SYNE2: variants seen among roughly 807,000 people sequenced by gnomAD.
SYNE2 encodes nesprin-2.
In SYNE2, 431 loss-of-function variants were observed where a neutral mutation model predicts 856.3. The ratio of observed to expected loss-of-function variants is 0.50; its 90% CI spans 0.47 to 0.55. The LOEUF is 0.55. Among genes scored for constraint, SYNE2 ranks in the 20% least tolerant of loss-of-function variants. The pLI, the probability that SYNE2 is intolerant of heterozygous loss-of-function variation, is 0.00. For synonymous variants in SYNE2, 2,923 were observed against 2,872.3 expected (o/e 1.02, Z -0.56); for missense variants, 8,129 against 8,023.2 (o/e 1.01, Z -0.50).
At chr14:63,985,500 TTTC>T (rs770748323) in intron 18 of SYNE2, among the ~76,000 whole-genome samples, 20 of 152,044 alleles carry the variant, frequency 1.3e-4, no homozygotes, top group South Asian at 2.1e-4. Flanking sequence ...TTGATTTGAG[TTTC>T]TTCTTGATAT....
At chr14:63,814,261 C>A (rs555090623) in intron 1 of SYNE2, among the ~76,000 whole-genome samples, 8 of 151,080 alleles carry the variant, frequency 5.3e-5, no homozygotes, top group Admixed American at 1.3e-4. Flanking sequence ...CAGAGCGAGG[C>A]TCTGTCTTAA....
chr14:64,001,171 G>T (rs1223802934), intron 28 of SYNE2, among the ~76,000 whole-genome samples: 1 of 151,938 alleles, frequency 6.6e-6, no homozygotes, highest in Non-Finnish European at 1.5e-5. Flanking sequence ...ACTTACCTAT[G>T]GTCACACATT....
At chr14:64,167,132 C>G (rs2098384390) in intron 90 of SYNE2, 101 bp from the exon 91 acceptor site, 1 of 1,488,664 alleles carries the variant, frequency 6.7e-7, no homozygotes, top group Non-Finnish European at 9.3e-7. Flanking sequence ...TTTGCCTGTT[C>G]AGGCCCCAGT....
chr14:64,078,896 A>G (rs1285281595), intron 55 of SYNE2, among the ~76,000 whole-genome samples: 1 of 151,998 alleles, frequency 6.6e-6, no homozygotes, highest in African/African-American at 2.4e-5. Flanking sequence ...ACATGGCAAA[A>G]CCCCATCTCT....
At position 63,930,478 on chromosome 14, in the gene SYNE2, T is replaced by C. The variant is rs1044355772; in HGVS notation, c.80-10136T>C. Among the ~76,000 whole-genome samples the C allele has an allele frequency of 3.3e-5, 5 of 151,998 alleles. No individual in the cohort carries two copies. The East Asian group carries it at 7.7e-4, about 23-fold the overall frequency. ...CATGTGCTGGGACCCTTCCAGACCTTGCCCTCTGTACACCTTCATCTGGCT... is the reference window on the plus strand; with the variant it reads ...CATGTGCTGGGACCCTTCCAGACCTCGCCCTCTGTACACCTTCATCTGGCT... On this transcript the variant is annotated intron_variant, in intron 2 of 115. Transcript: ENST00000555002.
rs755452563 is a variant in SYNE2, at chr14:63,993,873, G to A, written c.2685G>A (p.Lys895=). The A allele has an allele frequency of 1.2e-6, 2 of 1,609,936 alleles. No homozygotes were observed. The highest frequency in any genetic ancestry group is 1.7e-6 in the Non-Finnish European group (2 of 1,177,640). The stretch of plus-strand genomic sequence containing the variant: ...TTTCTAATACAAAAAGTCTGGCCAA[G>A]TATTTGAAAGCTGTTGAAGAACTAA... ...LIISNTKSLA[K]YLKAVEELKN... Residue 895 remains lysine (K), a synonymous_variant, in exon 22 of 116, where the codon AAG becomes AAA. Transcript: ENST00000555002.
intron 1 of SYNE2, among the ~76,000 whole-genome samples, chr14:63,821,477 G>A (rs909737687): frequency 6.6e-6 from 1 of 152,102 alleles, no homozygotes; most frequent in African/African-American, 2.4e-5. Flanking sequence ...ATTGAGGCTG[G>A]GCACAGTGGC....
chr14:64,062,692 T>C, intron 49 of SYNE2, 59 bp from the exon 50 acceptor site: 1 of 1,466,244 alleles, frequency 6.8e-7, no homozygotes. Flanking sequence ...TGGGAAATTT[T>C]GAATTTATTG....
intron 32 of SYNE2, among the ~76,000 whole-genome samples, chr14:64,014,974 T>TACACACACAC (rs1162341254): frequency 7.1e-5 from 6 of 84,890 alleles, no homozygotes; most frequent in African/African-American, 2.5e-4. Flanking sequence ...TATATATATA[T>TACACACACAC]ACACACACAC....
At chr14:64,038,522 A>C (rs2097120972) in intron 45 of SYNE2, among the ~76,000 whole-genome samples, 1 of 152,202 alleles carries the variant, frequency 6.6e-6, no homozygotes, top group Non-Finnish European at 1.5e-5. Flanking sequence ...GCGAGCCGAG[A>C]TCACGCCACT....
intron 99 of SYNE2, among the ~76,000 whole-genome samples, chr14:64,201,474 G>A (rs1340762047): frequency 6.6e-6 from 1 of 152,204 alleles, no homozygotes; most frequent in Admixed American, 6.5e-5. Flanking sequence ...CCCTGTCCTG[G>A]TGGGTGCACA....
At position 64,138,362 on chromosome 14, in the gene SYNE2, G is replaced by A. The variant is rs907997311; in HGVS notation, c.14843+379G>A. Among the ~76,000 whole-genome samples the A allele has an allele frequency of 5.9e-5, 9 of 152,086 alleles. No homozygotes were observed. In the East Asian group the frequency reaches 1.7e-3, roughly 29 times the overall value. ...TCCTCCTGCCTCAGCCTCCCAAGTTGGTGTGACTACAGGCATAGGCCACCG... is the reference window on the plus strand; with the variant it reads ...TCCTCCTGCCTCAGCCTCCCAAGTTAGTGTGACTACAGGCATAGGCCACCG... On this transcript the variant is annotated intron_variant, in intron 79 of 115. Transcript: ENST00000555002.
chr14:64,195,584 G>C lies in SYNE2; in HGVS notation c.18038+5347G>C, dbSNP rs571826138. Among the ~76,000 whole-genome samples, 457 of 152,284 alleles carry C rather than the reference G, an allele frequency of 3.0e-3. 2 individuals are homozygous for C. Among genetic ancestry groups the C allele is most frequent in the African/African-American group, 0.01 (422 of 41,570 alleles). ...TAAATTTTGCCTACCAACCTGAAAA[G>C]CTCACCTACTTTATAGTAGTGGCAA... On this transcript the variant is annotated intron_variant, in intron 99 of 115. Transcript: ENST00000555002.
At chr14:63,986,375 C>A in intron 18 of SYNE2, 81 bp from the exon 19 acceptor site, 1 of 1,462,230 alleles carries the variant, frequency 6.8e-7, no homozygotes, top group Non-Finnish European at 9.5e-7. Context: ...GCTGGGATTA[C>A]AGGTGTAACT....
At chr14:63,788,592 G>A (rs1887625640) in intron 1 of SYNE2, among the ~76,000 whole-genome samples, 1 of 152,136 alleles carries the variant, frequency 6.6e-6, no homozygotes, top group African/African-American at 2.4e-5. Flanking sequence ...AGGTCTACAG[G>A]CACGGTTTGG....
intron 1 of SYNE2, among the ~76,000 whole-genome samples, chr14:63,792,794 C>T (rs1887782112): frequency 1.3e-5 from 2 of 152,004 alleles, no homozygotes; most frequent in African/African-American, 4.8e-5. Flanking sequence ...ATCGTCCCAC[C>T]TCAGCCTCCC....
In SYNE2 at chr14:64,209,393, G is replaced by T. The variant is rs752965218; in HGVS notation, c.18390-35G>T. On this transcript the variant is annotated intron_variant, in intron 101 of 115. Transcript: ENST00000555002. ...AAGTGCAAAAGCACAGGCTTGGAGG[G>T]GATGGCTTGTGTTAAGTTGCTTTGC... The T allele has an allele frequency of 3.1e-6, 5 of 1,614,164 alleles. No homozygotes were observed. The Middle Eastern group carries it at 4.9e-4, about 160-fold the overall frequency.
At chr14:64,210,203 A>G in intron 103 of SYNE2, 79 bp downstream of exon 103, 4 of 1,513,360 alleles carry the variant, frequency 2.6e-6, no homozygotes, top group Non-Finnish European at 3.6e-6. Flanking sequence ...GGCTTGTGGC[A>G]CAAAGCAGCA....
chr14:64,221,602 G>A lies in SYNE2; in HGVS notation c.20088G>A (p.Leu6696=), dbSNP rs1317539262. The change falls in exon 112 of 116, where the codon CTG becomes CTA. Residue 6696 remains leucine (L), a synonymous_variant. Transcript: ENST00000555002. The part of the protein sequence containing the change: ...CQDFHQLSQN[L]LLWLASAKNR... ...ACTTCCACCAGTTGAGTCAAAATCT[G>A]CTGCTGTGGTTAGCGAGTGCCAAGA... The A allele has an allele frequency of 6.2e-7, 1 of 1,614,054 alleles. No individual in the cohort carries two copies. The highest frequency in any genetic ancestry group is 1.7e-5 in the Admixed American group (1 of 60,006).
Sources: gnomAD v4.1 joint callset for allele counts (sites outside exome capture counted in the v4.1 genomes callset) on GRCh38, gnomAD v4.1.1 for gene constraint, MANE v1.5 for transcripts, NCBI Gene and HGNC (gene_info 2026-07-23, HGNC 2026-07-21) for gene names.